Variants in NOTCH3 observed in about 807,000 individuals in gnomAD.
NOTCH3 encodes the protein neurogenic locus notch homolog protein 3.
NOTCH3 carries 86 observed loss-of-function variants against 213.3 expected under a neutral mutation model. That is an observed-to-expected ratio of 0.40 (90% CI 0.34 to 0.48). The LOEUF is 0.48. Among genes scored for constraint, NOTCH3 ranks in the 20% least tolerant of loss-of-function variants. The probability of loss-of-function intolerance (pLI) is 0.57; values close to 1 mark genes in which losing one functional copy is unlikely to be tolerated. For missense variants in NOTCH3, 2,783 were observed against 3,272.6 expected (o/e 0.85, Z 3.65); for synonymous variants, 1,354 against 1,355.9 (o/e 1.00, Z 0.03).
intron 28 of NOTCH3, among the ~76,000 whole-genome samples, chr19:15,167,947 T>A (rs1437373586): frequency 1.3e-5 from 2 of 151,742 alleles, no homozygotes; most frequent in African/African-American, 4.8e-5. Flanking sequence ...TTTATGTATA[T>A]ATTTTTTAGA....
rs755968439 is a variant in NOTCH3, at chr19:15,161,456, A to G, written c.6172T>C (p.Ser2058Pro). 7.7e-6 allele frequency: 12 copies of G among 1,564,402 alleles called. No individual in the cohort carries two copies. In the South Asian group the frequency reaches 1.4e-4, roughly 18 times the overall value. ...AFLPGLKAAQ[S>P]GSKKSRRPPG... is the part of the protein sequence containing the mutation. ...GGCCTCCTGCTCTTCTTGGACCCCG[A>G]CTGTGCCGCTTTGAGGCCAGGGAGG... Residue 2058 changes from serine to proline, a missense_variant, in exon 33 of 33, where the codon TCG becomes CCG. This residue lies in a region of NOTCH3 where 441 missense variants were observed against 432.1 expected (regional missense o/e 1.02). Coordinates refer to ENST00000263388, the MANE Select transcript of NOTCH3 (RefSeq NM_000435.3).
Position 15,187,007 on chromosome 19 carries a change from GC to G in NOTCH3, c.1841-20del. ...TTCACACCTAGGGGCCAGGAACATGGCATGGAGTGGCCACCACTGTGCCCCA... is the reference window on the plus strand; with the variant it reads ...TTCACACCTAGGGGCCAGGAACATGGATGGAGTGGCCACCACTGTGCCCCA... On this transcript the variant is annotated intron_variant, in intron 11 of 32. Transcript: ENST00000263388. 1 of 1,611,494 alleles carries G rather than the reference GC, an allele frequency of 6.2e-7. No homozygotes were observed. The highest frequency in any genetic ancestry group is 1.1e-5 in the South Asian group (1 of 90,870).
chr19:15,160,609 A>G lies in NOTCH3; in HGVS notation c.*53T>C. The G allele has an allele frequency of 7.7e-7, 1 of 1,298,178 alleles. No individual in the cohort carries two copies. The highest frequency in any genetic ancestry group is 1.1e-6 in the Non-Finnish European group (1 of 891,496). 80.4% of individuals were successfully genotyped at this position (1,298,178 alleles called of 1,614,324 possible). On this transcript the variant is annotated 3_prime_UTR_variant, in exon 33 of 33. Coordinates refer to ENST00000263388, the MANE Select transcript of NOTCH3 (RefSeq NM_000435.3). ...GAAGGAAGAGACAGAGAAAGAAAGG[A>G]GGCAGGACGGGGGTCTCTTTAGGCC...
intron 2 of NOTCH3, 59 bp downstream of exon 2, chr19:15,197,441 G>GGGGCGCCC: frequency 1.3e-6 from 1 of 768,364 alleles, no homozygotes; most frequent in Non-Finnish European, 2.3e-6. Flanking sequence ...AAGACAAATC[G>GGGGCGCCC]CCCCTCCCCC....
Position 15,178,006 on chromosome 19 carries a change from G to C in NOTCH3, c.3922C>G (p.Pro1308Ala). ...GGGCAGGCGCAGCGCGGCCCGCGGG[G>C]CGTCTGCTGGCATGGGACGCCCACC... Reference protein sequence around the residue: ...CPVGVPCQQTPRGPRCACPPG... With the variant: ...CPVGVPCQQTARGPRCACPPG... The change falls in exon 24 of 33, where the codon CCC becomes GCC. Residue 1308 changes from proline to alanine, a missense_variant. Around this residue, in one of 6 missense-constraint regions of NOTCH3, gnomAD observed 133 missense variants for 201.9 expected, o/e 0.66. Transcript: ENST00000263388. 2 of 1,468,730 alleles carry C rather than the reference G, an allele frequency of 1.4e-6. No individual in the cohort carries two copies. Among genetic ancestry groups the C allele is most frequent in the Non-Finnish European group, 1.8e-6 (2 of 1,113,592 alleles). 91.0% of individuals were successfully genotyped at this position (1,468,730 alleles called of 1,614,324 possible). A position where few individuals can be genotyped will look rare whatever the true frequency, so the allele number is the denominator to read the frequency against.
Position 15,192,215 on chromosome 19 carries a change from A to G in NOTCH3, c.424T>C (p.Phe142Leu), listed in dbSNP as rs1022426982. 6.2e-7 allele frequency: 1 copy of G among 1,609,932 alleles called. No individual in the cohort carries two copies. Among genetic ancestry groups the G allele is most frequent in the Non-Finnish European group, 8.5e-7 (1 of 1,178,800 alleles). ...ARCSVGPDGR[F>L]LCSCPPGYQG... The stretch of plus-strand genomic sequence containing the variant: ...TAGCCAGGTGGGCAGGAGCAGAGGA[A>G]GCGTCCATCGGGCCCCACTGAGCAG... The change falls in exon 4 of 33, where the codon TTC (phenylalanine) becomes CTC (leucine). Residue 142 changes from phenylalanine to leucine, a missense_variant. By Grantham distance (22) the Phe-to-Leu change is conservative. Around this residue, in one of 6 missense-constraint regions of NOTCH3, gnomAD observed 708 missense variants for 906.6 expected, o/e 0.78. Coordinates refer to ENST00000263388, the MANE Select transcript of NOTCH3 (RefSeq NM_000435.3).
intron 2 of NOTCH3, among the ~76,000 whole-genome samples, chr19:15,196,286 C>T (rs954796582): frequency 6.6e-6 from 1 of 152,112 alleles, no homozygotes; most frequent in Admixed American, 6.5e-5. Flanking sequence ...CGCAGGCGCC[C>T]GGCCCCACCG....
At chr19:15,175,614 C>T (rs1390216264) in intron 24 of NOTCH3, among the ~76,000 whole-genome samples, 1 of 109,718 alleles carries the variant, frequency 9.1e-6, no homozygotes, top group East Asian at 3.2e-4. Context: ...CACACACACA[C>T]GCACGCACAC....
chr19:15,200,670 C>T, intron 1 of NOTCH3, 118 bp downstream of exon 1: 2 of 753,862 alleles, frequency 2.7e-6, no homozygotes, highest in Non-Finnish European at 3.5e-6. Context: ...GGGGCTCCTG[C>T]GCCCCTTCCC....
At position 15,191,444 on chromosome 19, in the gene NOTCH3, G is replaced by T. The variant is rs775466454; in HGVS notation, c.1016C>A (p.Ala339Asp). 6.2e-7 allele frequency: 1 copy of T among 1,613,286 alleles called. No homozygotes were observed. Among genetic ancestry groups the T allele is most frequent in the Non-Finnish European group, 8.5e-7 (1 of 1,179,998 alleles). Residue 339 changes from alanine (A) to aspartate (D), a missense_variant, in exon 6 of 33, where the codon GCC becomes GAC. Ala to Asp is a moderately radical substitution (Grantham distance 126). Transcript: ENST00000263388. Reference sequence around the variant, plus strand: ...CTCACCAGTCTTGCCCATGGGGCAGGCACAGTAGAAAGAAGCCACGCGGTC... The same window carrying T: ...CTCACCAGTCTTGCCCATGGGGCAGTCACAGTAGAAAGAAGCCACGCGGTC... ...CHDRVASFYC[A>D]CPMGKTGLLC... is the part of the protein sequence containing the mutation.
At chr19:15,180,597 C>G (rs1240438207) in intron 19 of NOTCH3, 84 bp downstream of exon 19, 1 of 1,473,032 alleles carries the variant, frequency 6.8e-7, no homozygotes, top group African/African-American at 1.4e-5. Flanking sequence ...TCTGTGGCAC[C>G]CCCATTCGGC....
rs1341051648 is a variant in NOTCH3 at position 15,170,104 on chromosome 19, T to A, written c.5181A>T (p.Pro1727=). Residue 1727 remains proline (P), a synonymous_variant, in exon 28 of 33, where the codon CCA becomes CCT. Coordinates refer to ENST00000263388, the MANE Select transcript of NOTCH3 (RefSeq NM_000435.3). ...VATDWMDTEC[P]EAKRLKVEEP... ...GCAGTACCTTTAGCCGCTTGGCCTC[T>A]GGGCACTCTGTGTCCATCCAGTCTG... The A allele has an allele frequency of 6.3e-7, 1 of 1,596,768 alleles. No homozygotes were observed. Among genetic ancestry groups the A allele is most frequent in the African/African-American group, 1.3e-5 (1 of 74,758 alleles).
chr19:15,189,964 T>A (rs1447027487), intron 6 of NOTCH3, among the ~76,000 whole-genome samples: 1 of 152,184 alleles, frequency 6.6e-6, no homozygotes, highest in Non-Finnish European at 1.5e-5. Context: ...ACCAATCTTC[T>A]TTTCTAAACC....
chr19:15,173,409 G>A (rs62113814), intron 25 of NOTCH3, among the ~76,000 whole-genome samples: 1 of 93,446 alleles, frequency 1.1e-5, no homozygotes, highest in Non-Finnish European at 2.0e-5. Context: ...GCGACAGAGC[G>A]AGACTCCGTC....
At chr19:15,197,443 C>A (rs2046977202) in intron 2 of NOTCH3, 57 bp downstream of exon 2, 1 of 585,080 alleles carries the variant, frequency 1.7e-6, no homozygotes, top group South Asian at 1.5e-5. Context: ...GACAAATCGC[C>A]CCTCCCCCCC....
intron 2 of NOTCH3, among the ~76,000 whole-genome samples, chr19:15,195,092 G>A (rs984734000): frequency 3.3e-5 from 5 of 152,038 alleles, no homozygotes; most frequent in African/African-American, 1.2e-4. Context: ...GCCATGGCCT[G>A]GCCAGCACTC....
In NOTCH3 at chr19:15,170,499, G is replaced by A. The variant is rs2046723127; in HGVS notation, c.4946C>T (p.Ala1649Val). 3 of 1,609,922 alleles carry A rather than the reference G, an allele frequency of 1.9e-6. No individual in the cohort carries two copies. The highest frequency in any genetic ancestry group is 2.5e-6 in the Non-Finnish European group (3 of 1,179,962). Residue 1649 changes from alanine (A) to valine (V), a missense_variant, in exon 27 of 33, where the codon GCG becomes GTG. Physicochemically the swap from Ala to Val is moderately conservative, Grantham distance 64. This residue lies in a region of NOTCH3 where 636 missense variants were observed against 801.8 expected (regional missense o/e 0.79). Transcript: ENST00000263388. ...AATGACCAGCAGCAAGACAGCGCCC[G>A]CCACTAGCAGTGGCAGCAGCGGGAC... ...PSVPLLPLLV[A>V]GAVLLLVILV... is the part of the protein sequence containing the mutation.
At chr19:15,167,119 G>T (rs898941996) in intron 29 of NOTCH3, 130 bp downstream of exon 29, 1 of 960,262 alleles carries the variant, frequency 1.0e-6, no homozygotes, top group African/African-American at 1.6e-5. Flanking sequence ...CAAGAGTGTT[G>T]CTGAATACAC....
At chr19:15,184,518 C>T in intron 15 of NOTCH3, 68 bp from the exon 16 acceptor site, 1 of 1,519,484 alleles carries the variant, frequency 6.6e-7, no homozygotes, top group Non-Finnish European at 9.1e-7. Flanking sequence ...GGACCTGGGG[C>T]TCAGGAAGAA....
Sources: gnomAD v4.1 joint callset for allele counts (sites outside exome capture counted in the v4.1 genomes callset) on GRCh38, gnomAD v4.1.1 for gene constraint, gnomAD v4.1.1 regional missense constraint, MANE v1.5 for transcripts, NCBI Gene and HGNC (gene_info 2026-07-23, HGNC 2026-07-21) for gene names.